ASCC3: variants seen among roughly 807,000 people sequenced by gnomAD.
ASCC3 encodes the protein activating signal cointegrator 1 complex subunit 3, also known as ASC-1 complex subunit P200.
ASCC3 carries 158 observed loss-of-function variants against 256.3 expected under a neutral mutation model. That is an observed-to-expected ratio of 0.62 (90% CI 0.54 to 0.70). The LOEUF (loss-of-function observed/expected upper bound fraction) is 0.70. Among genes scored for constraint, ASCC3 ranks in the 30% least tolerant of loss-of-function variants. The pLI, the probability that ASCC3 is intolerant of heterozygous loss-of-function variation, is 0.00. For missense variants in ASCC3, 2,259 were observed against 2,626.0 expected (o/e 0.86, Z 3.05); for synonymous variants, 948 against 883.4 (o/e 1.07, Z -1.30).
At chr6:100,797,205 T>C (rs1013446043) in intron 8 of ASCC3, among the ~76,000 whole-genome samples, 2 of 152,112 alleles carry the variant, frequency 1.3e-5, no homozygotes, top group African/African-American at 4.8e-5. Flanking sequence ...ATCTCAGCAC[T>C]TTGGGAGGCC....
chr6:100,719,420 A>G (rs1278809188), intron 11 of ASCC3, among the ~76,000 whole-genome samples: 1 of 152,058 alleles, frequency 6.6e-6, no homozygotes, highest in Non-Finnish European at 1.5e-5. Context: ...GTGATTTGGA[A>G]AGAAATGAAA....
rs1771902694 is a variant in ASCC3 at position 100,589,846 on chromosome 6, T to C, written c.5416-78A>G. The C allele has an allele frequency of 2.0e-5, 32 of 1,597,690 alleles. No homozygotes were observed. In the South Asian group the frequency reaches 3.0e-4, roughly 15 times the overall value. On this transcript the variant is annotated intron_variant, in intron 35 of 41. Transcript: ENST00000369162. ...AAAATTAATAATTCAGACAGGTGCT[T>C]TTGAAACAATTTTTTAAAAAATTTT...
At chr6:100,580,480 CT>C (rs34774551) in intron 36 of ASCC3, among the ~76,000 whole-genome samples, 5,182 of 150,826 alleles carry the variant, frequency 0.034, 269 homozygotes, top group African/African-American at 0.12. Flanking sequence ...TTTTAATATT[CT>C]TTTTTTTTCC....
At chr6:100,856,281 A>G in intron 3 of ASCC3, 1 of 518,940 alleles carries the variant, frequency 1.9e-6, no homozygotes, top group African/African-American at 2.1e-5. Context: ...ATAAATAGGT[A>G]ACACAAATAT....
Position 100,601,948 on chromosome 6 carries a change from C to G in ASCC3, c.5178-13G>C, listed in dbSNP as rs777549526. The G allele has an allele frequency of 6.2e-7, 1 of 1,610,844 alleles. No homozygotes were observed. The highest frequency in any genetic ancestry group is 1.1e-5 in the South Asian group (1 of 90,938). ...CACTCCTAATAAACTATATAGTGAA[C>G]AAGACATGGGAAGCATACAAGAGCA... On this transcript the variant is annotated splice_polypyrimidine_tract_variant and intron_variant, in intron 33 of 41. Transcript: ENST00000369162.
intron 3 of ASCC3, among the ~76,000 whole-genome samples, chr6:100,854,754 A>T (rs182390853): frequency 8.1e-4 from 124 of 152,306 alleles, no homozygotes; most frequent in Admixed American, 1.6e-3. Context: ...TAGCTAACAT[A>T]AAAGTTTGAA....
chr6:100,855,272 C>T (rs1772890224), intron 3 of ASCC3, among the ~76,000 whole-genome samples: 1 of 152,062 alleles, frequency 6.6e-6, no homozygotes, highest in Non-Finnish European at 1.5e-5. Flanking sequence ...CACTACCATG[C>T]CTGGCTAATT....
intron 36 of ASCC3, among the ~76,000 whole-genome samples, chr6:100,565,013 T>C (rs1285315029): frequency 6.6e-6 from 1 of 152,196 alleles, no homozygotes; most frequent in Non-Finnish European, 1.5e-5. Flanking sequence ...TATGGTTCCT[T>C]GCTGCCCAGT....
chr6:100,532,400 ATATATATT>A (rs1398597382), intron 37 of ASCC3, among the ~76,000 whole-genome samples: 841 of 52,182 alleles, frequency 0.016, no homozygotes, highest in Non-Finnish European at 0.024. Flanking sequence ...ATATATATAT[ATATATATT>A]TTTTTTTTTT....
intron 4 of ASCC3, among the ~76,000 whole-genome samples, chr6:100,845,046 G>T (rs991995500): frequency 2.0e-4 from 31 of 152,088 alleles, no homozygotes; most frequent in African/African-American, 7.5e-4. Flanking sequence ...TGTTTCTAAA[G>T]AAATTGTGAA....
intron 4 of ASCC3, among the ~76,000 whole-genome samples, chr6:100,841,332 T>C (rs1182203136): frequency 6.6e-6 from 1 of 152,036 alleles, no homozygotes; most frequent in East Asian, 1.9e-4. Context: ...TGCTATCTCT[T>C]GAGAAATATT....
At chr6:100,595,401 G>T (rs1166625355) in intron 34 of ASCC3, among the ~76,000 whole-genome samples, 1 of 152,090 alleles carries the variant, frequency 6.6e-6, no homozygotes. Flanking sequence ...TTAAAAAAGA[G>T]TCAATTAAAA....
chr6:100,713,466 G>A (rs148772676), intron 13 of ASCC3, among the ~76,000 whole-genome samples: 9 of 152,244 alleles, frequency 5.9e-5, no homozygotes. Context: ...AAACAAATTT[G>A]TATGAAACTA....
intron 37 of ASCC3, among the ~76,000 whole-genome samples, chr6:100,527,791 C>T (rs1774657873): frequency 1.3e-5 from 2 of 151,634 alleles, no homozygotes; most frequent in African/African-American, 4.8e-5. Flanking sequence ...TATTCTCAGA[C>T]TCTACTGTGT....
chr6:100,823,418 A>C (rs1771149981), intron 4 of ASCC3, among the ~76,000 whole-genome samples: 1 of 152,230 alleles, frequency 6.6e-6, no homozygotes, highest in Admixed American at 6.5e-5. Flanking sequence ...AGATTTTTAA[A>C]ACAAAACATG....
chr6:100,666,560 TAA>T (rs1442273479), intron 14 of ASCC3, among the ~76,000 whole-genome samples: 1 of 152,186 alleles, frequency 6.6e-6, no homozygotes, highest in African/African-American at 2.4e-5. Flanking sequence ...GGTTTTAACA[TAA>T]GTTTCCTTAA....
intron 15 of ASCC3, 112 bp downstream of exon 15, chr6:100,662,233 C>T: frequency 2.5e-6 from 3 of 1,218,836 alleles, no homozygotes; most frequent in South Asian, 1.5e-5. Context: ...TTATAAATAA[C>T]ATTCAAAGTC....
chr6:100,849,103 A>G (rs976711791), intron 3 of ASCC3, among the ~76,000 whole-genome samples: 5 of 152,138 alleles, frequency 3.3e-5, no homozygotes, highest in African/African-American at 1.2e-4. Flanking sequence ...AGACCTTGTA[A>G]AAAAAACAAC....
intron 39 of ASCC3, among the ~76,000 whole-genome samples, chr6:100,513,183 C>G (rs1042489976): frequency 6.6e-6 from 1 of 152,078 alleles, no homozygotes; most frequent in Non-Finnish European, 1.5e-5. Context: ...GTTCAGATTT[C>G]CCCAATTTTT....
Sources: allele counts gnomAD v4.1 joint callset (sites outside exome capture counted in the v4.1 genomes callset), GRCh38; gene constraint gnomAD v4.1.1; transcripts MANE v1.5; gene names NCBI Gene and HGNC (gene_info 2026-07-23, HGNC 2026-07-21).